LINGO2: variants seen among roughly 807,000 people sequenced by gnomAD.
LINGO2 encodes leucine-rich repeat and immunoglobulin-like domain-containing nogo receptor-interacting protein 2.
In LINGO2, 14 loss-of-function variants were observed where a neutral mutation model predicts 30.6. The observed-to-expected ratio is 0.46, with a 90% CI of 0.30 to 0.72. The LOEUF is 0.72. LINGO2 is among the 30% of genes least tolerant of loss of function. The pLI, the probability that LINGO2 is intolerant of heterozygous loss-of-function variation, is 0.07. For missense variants in LINGO2, 729 were observed against 751.7 expected (o/e 0.97, Z 0.35); for synonymous variants, 317 against 288.5 (o/e 1.10, Z -1.00).
the LINGO2 span, among the ~76,000 whole-genome samples, chr9:28,938,196 C>T: frequency 6.6e-6 from 1 of 152,250 alleles, no homozygotes; most frequent in Admixed American, 6.5e-5. Context: ...AGGACCTCTG[C>T]TGGAGTCACC....
the LINGO2 span, among the ~76,000 whole-genome samples, chr9:29,058,378 C>A: frequency 2.0e-5 from 3 of 151,414 alleles, no homozygotes; most frequent in Non-Finnish European, 4.4e-5. Flanking sequence ...TGAAGGTAGA[C>A]AATAGAAGAT....
intron 4 of LINGO2, among the ~76,000 whole-genome samples, chr9:28,259,887 T>C (rs866762036): frequency 2.0e-5 from 3 of 151,914 alleles, no homozygotes; most frequent in African/African-American, 7.2e-5. Flanking sequence ...TCCAAAGCCT[T>C]GGTCAGTTGA....
At chr9:28,198,249 G>GAA (rs11452546) in intron 4 of LINGO2, among the ~76,000 whole-genome samples, 66 of 145,204 alleles carry the variant, frequency 4.5e-4, no homozygotes, top group Middle Eastern at 7.1e-3. Flanking sequence ...GGACAAATAT[G>GAA]AAAAAAAAAA....
the LINGO2 span, among the ~76,000 whole-genome samples, chr9:28,677,743 A>T: frequency 2.6e-5 from 4 of 152,154 alleles, no homozygotes; most frequent in Admixed American, 6.6e-5. Context: ...TAATGAAAAA[A>T]TCCATTGTAA....
chr9:28,675,918 TATATATACATAC>T, the LINGO2 span, among the ~76,000 whole-genome samples: 6 of 133,790 alleles, frequency 4.5e-5, no homozygotes, highest in African/African-American at 1.8e-4. Context: ...TATATATATA[TATATATACATAC>T]ACACACACAC....
the LINGO2 span, among the ~76,000 whole-genome samples, chr9:28,843,403 G>A: frequency 6.6e-6 from 1 of 151,640 alleles, no homozygotes; most frequent in Non-Finnish European, 1.5e-5. Context: ...TACTTTTCTT[G>A]TATAGAGGCT....
chr9:28,301,373 A>G (rs1348186669), intron 3 of LINGO2, among the ~76,000 whole-genome samples: 6 of 151,912 alleles, frequency 3.9e-5, no homozygotes, highest in Admixed American at 6.6e-5. Flanking sequence ...TAAAAAAAAA[A>G]AAACAAAAAA....
chr9:28,110,021 C>T (rs570487614), intron 4 of LINGO2, among the ~76,000 whole-genome samples: 5 of 152,056 alleles, frequency 3.3e-5, no homozygotes, highest in South Asian at 2.1e-4. Flanking sequence ...TAACCAAAAC[C>T]GCATGGTACT....
the LINGO2 span, among the ~76,000 whole-genome samples, chr9:29,202,643 A>T: frequency 1.3e-5 from 2 of 152,098 alleles, no homozygotes; most frequent in Non-Finnish European, 2.9e-5. Flanking sequence ...TATCATCCAT[A>T]TTCTCAAGCT....
chr9:28,484,907 A>G (rs1826112404), intron 1 of LINGO2, among the ~76,000 whole-genome samples: 2 of 152,088 alleles, frequency 1.3e-5, no homozygotes, highest in Admixed American at 6.6e-5. Context: ...TTAAGTCTCC[A>G]AAATATTGAA....
At chr9:28,316,871 C>T (rs1824864217) in intron 3 of LINGO2, among the ~76,000 whole-genome samples, 1 of 152,160 alleles carries the variant, frequency 6.6e-6, no homozygotes, top group Non-Finnish European at 1.5e-5. Context: ...GCACCCTTAT[C>T]TGCTAGCCAT....
At chr9:28,487,416 A>T (rs918391401) in intron 1 of LINGO2, among the ~76,000 whole-genome samples, 1 of 152,146 alleles carries the variant, frequency 6.6e-6, no homozygotes, top group Non-Finnish European at 1.5e-5. Context: ...ATTGTTTTAG[A>T]AACAACTAAA....
At chr9:27,960,447 G>A (rs1819783896) in intron 5 of LINGO2, among the ~76,000 whole-genome samples, 1 of 152,106 alleles carries the variant, frequency 6.6e-6, no homozygotes, top group African/African-American at 2.4e-5. Context: ...TCCCTATCTT[G>A]CAGCTATAAT....
At chr9:28,794,815 T>A in the LINGO2 span, among the ~76,000 whole-genome samples, 1 of 151,738 alleles carries the variant, frequency 6.6e-6, no homozygotes, top group East Asian at 1.9e-4. Flanking sequence ...TTATAAATTT[T>A]TTTTCTTTTC....
chr9:28,669,627 A>G (rs1457621479), intron 1 of LINGO2, among the ~76,000 whole-genome samples: 2 of 152,100 alleles, frequency 1.3e-5, no homozygotes, highest in African/African-American at 4.8e-5. Context: ...AAAGATAAAG[A>G]AACTAACAAG....
chr9:28,423,503 T>C (rs945108779), intron 2 of LINGO2, among the ~76,000 whole-genome samples: 9 of 152,262 alleles, frequency 5.9e-5, no homozygotes, highest in East Asian at 3.9e-4. Context: ...TACATATGCA[T>C]CTTTAAAAAT....
chr9:28,352,216 T>C (rs1819930109), intron 3 of LINGO2, among the ~76,000 whole-genome samples: 1 of 152,052 alleles, frequency 6.6e-6, no homozygotes, highest in Non-Finnish European at 1.5e-5. Flanking sequence ...AAATTGTCCC[T>C]GTTTGCAGAC....
At chr9:28,225,741 A>G (rs761442180) in intron 4 of LINGO2, among the ~76,000 whole-genome samples, 5 of 152,330 alleles carry the variant, frequency 3.3e-5, no homozygotes, top group Admixed American at 1.3e-4. Flanking sequence ...CATGAAAATT[A>G]TAAAGCTGAC....
At chr9:28,189,649 GAGGAAGGAAGGAAGGA>G (rs1453477227) in intron 4 of LINGO2, among the ~76,000 whole-genome samples, 6 of 5,268 alleles carry the variant, frequency 1.1e-3, no homozygotes, top group Admixed American at 2.0e-3. Flanking sequence ...GGAAGGGAGG[GAGGAAGGAAGGAAGGA>G]AGGGAGGAAG....
Sources: gnomAD v4.1 joint callset for allele counts (sites outside exome capture counted in the v4.1 genomes callset) on GRCh38, gnomAD v4.1.1 for gene constraint, MANE v1.5 for transcripts, NCBI Gene and HGNC (gene_info 2026-07-23, HGNC 2026-07-21) for gene names.